Variants in GPC5 observed in about 807,000 individuals in gnomAD.
The protein encoded by GPC5 is glypican-5.
In GPC5, 47 loss-of-function variants were observed where a neutral mutation model predicts 53.9. The ratio of observed to expected loss-of-function variants is 0.87; its 90% CI spans 0.69 to 1.11. The LOEUF (loss-of-function observed/expected upper bound fraction) is 1.11. GPC5 is among the 50% of genes most tolerant of loss of function. The pLI, the probability that GPC5 is intolerant of heterozygous loss-of-function variation, is 0.00. For synonymous variants in GPC5, 286 were observed against 263.3 expected, an observed-to-expected ratio of 1.09 and a Z score of -0.84; for missense variants, 748 against 713.1, an observed-to-expected ratio of 1.05 and a Z score of -0.56.
intron 7 of GPC5, among the ~76,000 whole-genome samples, chr13:92,158,161 T>C (rs1004200558): frequency 2.0e-5 from 3 of 152,120 alleles, no homozygotes; most frequent in African/African-American, 4.8e-5. Context: ...AAAGTACAGA[T>C]GTTTCAAGTA....
chr13:92,602,433 G>A (rs1258064405), intron 7 of GPC5, among the ~76,000 whole-genome samples: 11 of 151,524 alleles, frequency 7.3e-5, no homozygotes, highest in Non-Finnish European at 1.0e-4. Context: ...CTGTTGATTG[G>A]AGTTACAGGG....
chr13:91,941,597 C>T (rs1280350943), intron 6 of GPC5, among the ~76,000 whole-genome samples: 1 of 152,116 alleles, frequency 6.6e-6, no homozygotes, highest in African/African-American at 2.4e-5. Context: ...CCCTCAAAAT[C>T]ATGGGTATAA....
At chr13:92,589,413 T>C (rs1467019393) in intron 7 of GPC5, among the ~76,000 whole-genome samples, 1 of 152,210 alleles carries the variant, frequency 6.6e-6, no homozygotes, top group East Asian at 1.9e-4. Context: ...TATTCTCTAA[T>C]TCACAAAGGT....
intron 2 of GPC5, among the ~76,000 whole-genome samples, chr13:91,481,364 A>G (rs902306071): frequency 3.9e-5 from 6 of 152,174 alleles, no homozygotes; most frequent in African/African-American, 1.2e-4. Flanking sequence ...GGTGAAGTGG[A>G]AGATCCTGAA....
At chr13:92,432,554 T>C (rs909660687) in intron 7 of GPC5, among the ~76,000 whole-genome samples, 45 of 151,360 alleles carry the variant, frequency 3.0e-4, no homozygotes, top group African/African-American at 1.1e-3. Context: ...TTTTTTTTTT[T>C]TAAATAGAGA....
intron 6 of GPC5, among the ~76,000 whole-genome samples, chr13:92,008,693 A>G (rs2040633124): frequency 6.6e-6 from 1 of 151,984 alleles, no homozygotes; most frequent in Non-Finnish European, 1.5e-5. Flanking sequence ...TGTTTGCTAA[A>G]CTTCCTGAAT....
chr13:91,896,192 T>C (rs1746314404), intron 5 of GPC5, among the ~76,000 whole-genome samples: 1 of 150,084 alleles, frequency 6.7e-6, no homozygotes, highest in South Asian at 2.1e-4. Context: ...CAATCTCAGC[T>C]CACTGCAACC....
chr13:92,414,668 A>G (rs1046475870), intron 7 of GPC5, among the ~76,000 whole-genome samples: 8 of 152,196 alleles, frequency 5.3e-5, no homozygotes, highest in Non-Finnish European at 1.2e-4. Flanking sequence ...TTGGGTTGTT[A>G]TAACAAACTA....
At chr13:91,776,520 G>A (rs2138709250) in intron 5 of GPC5, among the ~76,000 whole-genome samples, 1 of 152,248 alleles carries the variant, frequency 6.6e-6, no homozygotes, top group South Asian at 2.1e-4. Context: ...CTATTAAAGA[G>A]GTGTCATTAT....
At chr13:92,207,508 T>A (rs1188367319) in intron 7 of GPC5, among the ~76,000 whole-genome samples, 9 of 152,190 alleles carry the variant, frequency 5.9e-5, no homozygotes, top group Non-Finnish European at 1.3e-4. Context: ...CCCTCCACCA[T>A]AATATAGTTA....
chr13:92,120,225 T>A (rs2041637701), intron 6 of GPC5, among the ~76,000 whole-genome samples: 1 of 152,196 alleles, frequency 6.6e-6, no homozygotes, highest in Admixed American at 6.5e-5. Context: ...CTATGACAAA[T>A]CAACTGCCTT....
intron 7 of GPC5, among the ~76,000 whole-genome samples, chr13:92,209,751 G>C (rs1593998043): frequency 6.6e-6 from 1 of 152,106 alleles, no homozygotes; most frequent in East Asian, 1.9e-4. Flanking sequence ...CCATATGTTA[G>C]ACAGTGTATT....
chr13:92,636,064 C>T (rs1885395613), intron 7 of GPC5, among the ~76,000 whole-genome samples: 2 of 152,298 alleles, frequency 1.3e-5, no homozygotes, highest in South Asian at 4.1e-4. Flanking sequence ...CTCCAGAAGG[C>T]TTCACTGTTC....
chr13:92,067,788 T>C (rs1261079647), intron 6 of GPC5, among the ~76,000 whole-genome samples: 3 of 152,000 alleles, frequency 2.0e-5, no homozygotes, highest in Non-Finnish European at 4.4e-5. Flanking sequence ...TGTGTATGTG[T>C]CTATATACCC....
At chr13:92,017,854 TACAC>T (rs201785977) in intron 6 of GPC5, among the ~76,000 whole-genome samples, 3,316 of 150,628 alleles carry the variant, frequency 0.022, 117 homozygotes, top group African/African-American at 0.077. Flanking sequence ...TTCCACAAAA[TACAC>T]ACATACGCGT....
Position 92,166,952 on chromosome 13 carries a change from TCTCTCACACA to T in GPC5, c.1561+21965_1561+21974del, listed in dbSNP as rs1412416604. On this transcript the variant is annotated intron_variant, in intron 7 of 7. Transcript: ENST00000377067. Reference sequence around the variant, plus strand: ...CTCTCTCTCTCTCTCTCTCTCTCTCTCTCTCACACACACACACACACACACACACACACAC... The same window carrying T: ...CTCTCTCTCTCTCTCTCTCTCTCTCTCACACACACACACACACACACACAC... Among the ~76,000 whole-genome samples, 555 of 63,166 alleles carry T rather than the reference TCTCTCACACA, an allele frequency of 8.8e-3. 2 individuals carry two copies. The highest frequency in any genetic ancestry group is 0.015 in the Admixed American group (87 of 5,856). The allele number at this position is 63,166 out of a possible 152,430, so 41.4% of individuals were successfully genotyped here.
At chr13:91,473,550 A>C (rs1019053328) in intron 2 of GPC5, among the ~76,000 whole-genome samples, 1 of 152,140 alleles carries the variant, frequency 6.6e-6, no homozygotes, top group Non-Finnish European at 1.5e-5. Context: ...AAATTGTTGT[A>C]CCAAATCTTC....
intron 7 of GPC5, among the ~76,000 whole-genome samples, chr13:92,577,271 C>G (rs1316389441): frequency 2.0e-5 from 3 of 152,146 alleles, no homozygotes; most frequent in East Asian, 3.9e-4. Flanking sequence ...CTGCATTTCA[C>G]CAACCCATTA....
At chr13:91,799,748 G>T (rs1473036093) in intron 5 of GPC5, among the ~76,000 whole-genome samples, 1 of 152,118 alleles carries the variant, frequency 6.6e-6, no homozygotes, top group Non-Finnish European at 1.5e-5. Flanking sequence ...ATTTATTAAA[G>T]ATAATAGGTT....
Sources: gnomAD v4.1 joint callset for allele counts (sites outside exome capture counted in the v4.1 genomes callset) on GRCh38, gnomAD v4.1.1 for gene constraint, MANE v1.5 for transcripts, NCBI Gene and HGNC (gene_info 2026-07-23, HGNC 2026-07-21) for gene names.